The following NBEAL1 variants were observed in gnomAD, a reference collection of about 807,000 sequenced individuals.
NBEAL1 encodes neurobeachin like 1.
In NBEAL1, 273 loss-of-function variants were observed where a neutral mutation model predicts 351.3. That is an observed-to-expected ratio of 0.78 (90% CI 0.70 to 0.86). NBEAL1 has a LOEUF of 0.86. NBEAL1 is among the 40% of genes least tolerant of loss of function. The pLI, the probability that NBEAL1 is intolerant of heterozygous loss-of-function variation, is 0.00. For synonymous variants in NBEAL1, 1,050 were observed against 1,086.4 expected (o/e 0.97, Z 0.66); for missense variants, 2,961 against 3,201.3 (o/e 0.92, Z 1.81).
intron 2 of NBEAL1, among the ~76,000 whole-genome samples, chr2:203,030,509 A>G (rs999332381): frequency 6.6e-6 from 1 of 152,222 alleles, no homozygotes; most frequent in Admixed American, 6.5e-5. Context: ...ATCAAATGTA[A>G]AGCCAAGGGA....
At chr2:203,064,345 G>T (rs1011858639) in intron 6 of NBEAL1, among the ~76,000 whole-genome samples, 20 of 152,140 alleles carry the variant, frequency 1.3e-4, no homozygotes, top group African/African-American at 4.6e-4. Flanking sequence ...GAGCCACTGC[G>T]CCCGGCCATG....
At chr2:203,141,382 T>A (rs1323131748) in intron 31 of NBEAL1, among the ~76,000 whole-genome samples, 13 of 93,056 alleles carry the variant, frequency 1.4e-4, no homozygotes, top group African/African-American at 3.6e-4. Context: ...TTTTTTTTTT[T>A]TTTTTTTTTT....
chr2:203,083,886 G>T (rs902905340), intron 9 of NBEAL1, among the ~76,000 whole-genome samples: 1 of 152,060 alleles, frequency 6.6e-6, no homozygotes, highest in Non-Finnish European at 1.5e-5. Context: ...AATTTTGTAT[G>T]TGCCTCTATA....
At chr2:203,109,512 A>G (rs2062513751) in intron 14 of NBEAL1, among the ~76,000 whole-genome samples, 1 of 151,970 alleles carries the variant, frequency 6.6e-6, no homozygotes, top group African/African-American at 2.4e-5. Flanking sequence ...CTACTTTTTA[A>G]TATGTCTTGT....
At chr2:203,087,128 C>T (rs1400535421) in intron 10 of NBEAL1, among the ~76,000 whole-genome samples, 2 of 123,388 alleles carry the variant, frequency 1.6e-5, no homozygotes, top group Admixed American at 1.0e-4. Flanking sequence ...CAGTCTTGCT[C>T]TGTCGCCCAG....
At chr2:203,019,453 A>C (rs2060732005) in intron 2 of NBEAL1, among the ~76,000 whole-genome samples, 1 of 152,230 alleles carries the variant, frequency 6.6e-6, no homozygotes, top group Admixed American at 6.5e-5. Context: ...TCTTGAGTAT[A>C]AAGTCCATCT....
rs371300669 is a variant in NBEAL1, at chr2:203,151,597, C to G, written c.5587+8C>G. On this transcript the variant is annotated splice_region_variant and intron_variant, in intron 35 of 55. Coordinates refer to ENST00000683969, the MANE Select transcript of NBEAL1 (RefSeq NM_001378026.1). ...CCTTGAGAGATAATCTGGGTGAGTT[C>G]CAATGACTGTTTAATTGTTTGTTGA... The G allele has an allele frequency of 5.0e-6, 8 of 1,585,380 alleles. No homozygotes were observed. Among genetic ancestry groups the G allele is most frequent in the Non-Finnish European group, 6.8e-6 (8 of 1,169,966 alleles).
chr2:203,203,262 C>G (rs2065452189), intron 51 of NBEAL1, among the ~76,000 whole-genome samples: 1 of 151,944 alleles, frequency 6.6e-6, no homozygotes, highest in Admixed American at 6.6e-5. Flanking sequence ...CTGCCTCAGC[C>G]TCCCATGTAA....
At chr2:203,137,914 G>T (rs897903293) in intron 29 of NBEAL1, among the ~76,000 whole-genome samples, 1 of 151,352 alleles carries the variant, frequency 6.6e-6, no homozygotes, top group Non-Finnish European at 1.5e-5. Context: ...AACCCAGGAG[G>T]CAGAGGTTGC....
intron 51 of NBEAL1, among the ~76,000 whole-genome samples, chr2:203,207,535 G>C (rs921264161): frequency 2.6e-5 from 4 of 152,254 alleles, no homozygotes; most frequent in Non-Finnish European, 5.9e-5. Flanking sequence ...GAAAGAGGTA[G>C]ACATGGGAGA....
At position 203,225,136 on chromosome 2, in the gene NBEAL1, T is replaced by C. The variant is rs534311899; in HGVS notation, c.*7782T>C. On this transcript the variant is annotated 3_prime_UTR_variant, in exon 56 of 56. Transcript: ENST00000683969. ...TCCATTTATTTTGTACATAATAAATTAGCTTTGTATATGAAAATGGGTTTG... is the reference window on the plus strand; with the variant it reads ...TCCATTTATTTTGTACATAATAAATCAGCTTTGTATATGAAAATGGGTTTG... 6.6e-6 allele frequency among the ~76,000 whole-genome samples: 1 copy of C among 152,194 alleles called. No homozygotes were observed. The highest frequency in any genetic ancestry group is 1.5e-5 in the Non-Finnish European group (1 of 68,024).
chr2:203,111,916 G>T (rs984398580), intron 15 of NBEAL1, 63 bp from the exon 16 acceptor site: 3 of 1,491,256 alleles, frequency 2.0e-6, no homozygotes, highest in Non-Finnish European at 2.7e-6. Flanking sequence ...ACTTCTGAAA[G>T]CATTTGTCAT....
In NBEAL1 at chr2:203,217,811, T is replaced by C. The variant is rs2065913405; in HGVS notation, c.*457T>C. On this transcript the variant is annotated 3_prime_UTR_variant, in exon 56 of 56. Transcript: ENST00000683969. Reference sequence around the variant, plus strand: ...GATTGGGGATAATATTTTAAAGGTATCTGTTGCACACTTGGATTTTCAAAA... The same window carrying C: ...GATTGGGGATAATATTTTAAAGGTACCTGTTGCACACTTGGATTTTCAAAA... 2.0e-6 allele frequency: 2 copies of C among 984,618 alleles called. No individual in the cohort carries two copies. Among genetic ancestry groups the C allele is most frequent in the South Asian group, 9.4e-5 (2 of 21,274 alleles). The allele number at this position is 984,618 out of a possible 1,614,324, so 61.0% of individuals were successfully genotyped here. A position where few individuals can be genotyped will look rare whatever the true frequency, so the allele number is the denominator to read the frequency against.
At position 203,035,824 on chromosome 2, in the gene NBEAL1, C is replaced by T. The variant is rs571228553; in HGVS notation, c.52-5941C>T. On this transcript the variant is annotated intron_variant, in intron 2 of 55. Coordinates refer to ENST00000683969, the MANE Select transcript of NBEAL1 (RefSeq NM_001378026.1). Reference sequence around the variant, plus strand: ...TAGATATGTGTAGCATAGAACATTACTGTTTTGTGGGAGTTTCCTGATTTG... The same window carrying T: ...TAGATATGTGTAGCATAGAACATTATTGTTTTGTGGGAGTTTCCTGATTTG... 1.9e-3 allele frequency among the ~76,000 whole-genome samples: 286 copies of T among 149,210 alleles called. 31 individuals are homozygous for T. Among genetic ancestry groups the T allele is most frequent in the Non-Finnish European group, 3.2e-3 (210 of 66,498 alleles).
rs145960802 is a variant in NBEAL1, at chr2:203,071,203, A to G, written c.598+2728A>G. Among the ~76,000 whole-genome samples, 804 of 152,198 alleles carry G rather than the reference A, an allele frequency of 5.3e-3. 42 individuals carry two copies. In the South Asian group the frequency reaches 0.12, roughly 23 times the overall value. On this transcript the variant is annotated intron_variant, in intron 7 of 55. Coordinates refer to ENST00000683969, the MANE Select transcript of NBEAL1 (RefSeq NM_001378026.1). ...GGATTGTCATAACAAAATACTGTAG[A>G]CTGGGTGGCTTAAATAACAGAAATT...
chr2:203,061,167 T>G, intron 6 of NBEAL1: 1 of 152,220 alleles, frequency 6.6e-6, no homozygotes, highest in East Asian at 1.9e-4. Context: ...TACAGGGTTT[T>G]TCTCTATTGT....
intron 19 of NBEAL1, among the ~76,000 whole-genome samples, chr2:203,123,554 G>A (rs1031672995): frequency 7.2e-5 from 11 of 151,836 alleles, no homozygotes; most frequent in African/African-American, 2.7e-4. Flanking sequence ...GACTGGTCTC[G>A]GACTCCTGAC....
At chr2:203,206,015 A>C (rs2065543581) in intron 51 of NBEAL1, among the ~76,000 whole-genome samples, 1 of 152,242 alleles carries the variant, frequency 6.6e-6, no homozygotes, top group Non-Finnish European at 1.5e-5. Context: ...AACAAATAAC[A>C]TACAACTATG....
intron 6 of NBEAL1, among the ~76,000 whole-genome samples, chr2:203,057,829 T>C (rs1559336976): frequency 6.6e-6 from 1 of 150,660 alleles, no homozygotes; most frequent in Non-Finnish European, 1.5e-5. Flanking sequence ...TTTTTCTTTT[T>C]TTTTTTTTTG....
Sources: gnomAD v4.1 joint callset for allele counts (sites outside exome capture counted in the v4.1 genomes callset) on GRCh38, gnomAD v4.1.1 for gene constraint, MANE v1.5 for transcripts, NCBI Gene and HGNC (gene_info 2026-07-23, HGNC 2026-07-21) for gene names.